BMAL2: variants seen among roughly 807,000 people sequenced by gnomAD.
The protein encoded by BMAL2 is basic helix-loop-helix ARNT-like protein 2.
the BMAL2 span, chr12:27,376,416 G>A: frequency 6.2e-6 from 10 of 1,609,538 alleles, no homozygotes; most frequent in Non-Finnish European, 8.5e-6. Flanking sequence ...GATGGTACAT[G>A]GTGAGTGGAA....
the BMAL2 span, among the ~76,000 whole-genome samples, chr12:27,409,442 A>AT: frequency 6.6e-6 from 1 of 152,238 alleles, no homozygotes; most frequent in Non-Finnish European, 1.5e-5. Flanking sequence ...ATAATGCCAC[A>AT]TATCTACAAC....
At chr12:27,404,575 A>G in the BMAL2 span, among the ~76,000 whole-genome samples, 1 of 152,228 alleles carries the variant, frequency 6.6e-6, no homozygotes, top group Non-Finnish European at 1.5e-5. Context: ...TAAATTACAG[A>G]TAAATCAGAG....
chr12:27,370,204 A>G, the BMAL2 span: 4 of 1,613,998 alleles, frequency 2.5e-6, no homozygotes, highest in Non-Finnish European at 1.7e-6. Flanking sequence ...CAACAAGGAT[A>G]GAAATATCAG....
chr12:27,385,386 G>T, the BMAL2 span: 1 of 687,802 alleles, frequency 1.5e-6, no homozygotes, highest in South Asian at 1.9e-5. Flanking sequence ...ATGTGCCAAA[G>T]AGCAAATACC....
the BMAL2 span, among the ~76,000 whole-genome samples, chr12:27,417,592 T>C: frequency 1.3e-5 from 2 of 152,084 alleles, no homozygotes; most frequent in African/African-American, 4.8e-5. Flanking sequence ...TGAGATGAGA[T>C]GATGCAGGTG....
At chr12:27,385,595 T>C in the BMAL2 span, 1 of 1,389,442 alleles carries the variant, frequency 7.2e-7, no homozygotes, top group Non-Finnish European at 1.0e-6. Flanking sequence ...GTTGTGTATG[T>C]GCTTTCATTG....
chr12:27,389,145 A>T, the BMAL2 span: 1 of 1,341,578 alleles, frequency 7.5e-7, no homozygotes, highest in Non-Finnish European at 1.1e-6. Context: ...AAAGCATGGT[A>T]CTGATTTTAA....
chr12:27,368,283 A>G, the BMAL2 span: 2 of 1,614,166 alleles, frequency 1.2e-6, no homozygotes, highest in Admixed American at 1.7e-5. Flanking sequence ...AGAGAGGAGA[A>G]CCAGTGCATT....
the BMAL2 span, among the ~76,000 whole-genome samples, chr12:27,371,656 T>C: frequency 6.6e-6 from 1 of 152,206 alleles, no homozygotes; most frequent in Non-Finnish European, 1.5e-5. Flanking sequence ...ATCAGATTTA[T>C]ATTTTTTAAA....
chr12:27,350,486 G>C, the BMAL2 span, among the ~76,000 whole-genome samples: 2 of 152,150 alleles, frequency 1.3e-5, no homozygotes, highest in African/African-American at 4.8e-5. Context: ...ACATGAAGAT[G>C]TTCCACAGAA....
At chr12:27,410,329 A>C in the BMAL2 span, among the ~76,000 whole-genome samples, 15 of 152,244 alleles carry the variant, frequency 9.9e-5, no homozygotes, top group Non-Finnish European at 1.5e-4. Context: ...ACAATAGCAG[A>C]GACTGGGAAC....
At chr12:27,395,910 AGG>A in the BMAL2 span, among the ~76,000 whole-genome samples, 1 of 152,206 alleles carries the variant, frequency 6.6e-6, no homozygotes, top group African/African-American at 2.4e-5. Flanking sequence ...TGAATTCAGT[AGG>A]GTTTTAGTGT....
chr12:27,333,558 T>G, the BMAL2 span, among the ~76,000 whole-genome samples: 152,390 of 152,390 alleles, frequency 1, 76,195 homozygotes, highest in Non-Finnish European at 1. Flanking sequence ...GCCTCGGACC[T>G]AGCCCGGTTC....
At chr12:27,335,362 A>G in the BMAL2 span, among the ~76,000 whole-genome samples, 1 of 152,182 alleles carries the variant, frequency 6.6e-6, no homozygotes, top group Non-Finnish European at 1.5e-5. Flanking sequence ...TTGGGGTAGG[A>G]AGAGGGCAGT....
At chr12:27,373,899 C>T in the BMAL2 span, among the ~76,000 whole-genome samples, 1 of 152,090 alleles carries the variant, frequency 6.6e-6, no homozygotes, top group Non-Finnish European at 1.5e-5. Flanking sequence ...TATCAGAAAG[C>T]TTATTAAAAC....
chr12:27,371,891 C>A, the BMAL2 span, among the ~76,000 whole-genome samples: 26,649 of 152,160 alleles, frequency 0.18, 2,952 homozygotes, highest in East Asian at 0.3. Flanking sequence ...ATAGCATTCC[C>A]ATTCTCCTCT....
chr12:27,425,178 A>T, the BMAL2 span: 1 of 151,784 alleles, frequency 6.6e-6, no homozygotes, highest in Non-Finnish European at 1.5e-5. Context: ...GCTCGTCTGT[A>T]TATTGGTATT....
At chr12:27,370,055 C>A in the BMAL2 span, 1 of 1,087,854 alleles carries the variant, frequency 9.2e-7, no homozygotes, top group Non-Finnish European at 1.4e-6. Flanking sequence ...CTACTTTCTC[C>A]ACTTGAGGAC....
chr12:27,380,309 T>C, the BMAL2 span: 5 of 1,614,130 alleles, frequency 3.1e-6, no homozygotes, highest in East Asian at 4.5e-5. Context: ...ATTGAAGAAC[T>C]GTCTGCAATG....
Sources: allele counts gnomAD v4.1 joint callset (sites outside exome capture counted in the v4.1 genomes callset), GRCh38; gene constraint gnomAD v4.1.1; transcripts MANE v1.5; gene names NCBI Gene and HGNC (gene_info 2026-07-23, HGNC 2026-07-21).